HS6ST3: variants seen among roughly 807,000 people sequenced by gnomAD.
HS6ST3 encodes the protein heparan-sulfate 6-O-sulfotransferase 3.
In HS6ST3, 12 loss-of-function variants were observed where a neutral mutation model predicts 36.7. The observed-to-expected ratio is 0.33, with a 90% CI of 0.21 to 0.53. The LOEUF (loss-of-function observed/expected upper bound fraction) is 0.53. HS6ST3 is among the 20% of genes least tolerant of loss of function. The pLI is 0.95. For synonymous variants in HS6ST3, 240 were observed against 257.5 expected (o/e 0.93, Z 0.65); for missense variants, 584 against 640.9 (o/e 0.91, Z 0.96).
At chr13:96,130,663 A>G (rs923395852) in intron 1 of HS6ST3, among the ~76,000 whole-genome samples, 3 of 152,172 alleles carry the variant, frequency 2.0e-5, no homozygotes, top group African/African-American at 7.2e-5. Flanking sequence ...AGGAGCACCT[A>G]TATCCCCAAA....
intron 1 of HS6ST3, among the ~76,000 whole-genome samples, chr13:96,522,441 A>G (rs1017246775): frequency 1.3e-5 from 2 of 152,122 alleles, no homozygotes; most frequent in Non-Finnish European, 2.9e-5. Context: ...TCTAATATTG[A>G]CAGTGGGGTG....
intron 1 of HS6ST3, among the ~76,000 whole-genome samples, chr13:96,494,473 C>T (rs1302931107): frequency 6.6e-6 from 1 of 150,952 alleles, no homozygotes; most frequent in Non-Finnish European, 1.5e-5. Flanking sequence ...AGCACACCAA[C>T]ATGGCACATG....
chr13:96,635,517 C>T (rs2056546479), intron 1 of HS6ST3, among the ~76,000 whole-genome samples: 1 of 152,186 alleles, frequency 6.6e-6, no homozygotes, highest in African/African-American at 2.4e-5. Context: ...TCCCAATAGT[C>T]TTCCTGACTG....
At chr13:96,415,042 C>T (rs545791667) in intron 1 of HS6ST3, among the ~76,000 whole-genome samples, 2 of 152,146 alleles carry the variant, frequency 1.3e-5, no homozygotes, top group Admixed American at 6.5e-5. Context: ...ATTAATTACT[C>T]AGAAATGTAG....
chr13:96,105,560 T>A (rs1008148135), intron 1 of HS6ST3, among the ~76,000 whole-genome samples: 23 of 152,074 alleles, frequency 1.5e-4, no homozygotes, highest in South Asian at 2.1e-4. Context: ...TGAGCCAGGA[T>A]AATCATTTGA....
At chr13:96,752,445 A>G (rs1044671318) in intron 1 of HS6ST3, among the ~76,000 whole-genome samples, 1 of 152,066 alleles carries the variant, frequency 6.6e-6, no homozygotes, top group Non-Finnish European at 1.5e-5. Flanking sequence ...CTGTTGCTCC[A>G]TATTCTCTCC....
intron 1 of HS6ST3, among the ~76,000 whole-genome samples, chr13:96,669,646 C>T (rs1468722353): frequency 6.6e-6 from 1 of 152,126 alleles, no homozygotes; most frequent in Non-Finnish European, 1.5e-5. Context: ...AAACTTTTTT[C>T]TTCTCTTTAG....
chr13:96,119,705 CTCTG>C (rs1566886816), intron 1 of HS6ST3, among the ~76,000 whole-genome samples: 4 of 152,218 alleles, frequency 2.6e-5, no homozygotes, highest in Admixed American at 6.5e-5. Context: ...CTGGAGGCTC[CTCTG>C]TCTATTATCT....
intron 1 of HS6ST3, among the ~76,000 whole-genome samples, chr13:96,543,243 T>C (rs1277294733): frequency 6.6e-6 from 1 of 152,190 alleles, no homozygotes; most frequent in Admixed American, 6.5e-5. Context: ...TCTCCTGCTG[T>C]ACTTCAGTCA....
chr13:96,740,273 A>G lies in HS6ST3; in HGVS notation c.708-92217A>G, dbSNP rs1050338457. On this transcript the variant is annotated intron_variant, in intron 1 of 1. Coordinates refer to ENST00000376705, the MANE Select transcript of HS6ST3 (RefSeq NM_153456.4). ...TAGAGTGCTCAGTAAATACTTGTTG[A>G]AAAGGCTGTTGGTTCCTCATATGTG... Among the ~76,000 whole-genome samples the G allele has an allele frequency of 3.1e-4, 47 of 152,160 alleles. 1 individual carries two copies. The highest frequency in any genetic ancestry group is 1.5e-5 in the Non-Finnish European group (1 of 68,032).
intron 1 of HS6ST3, among the ~76,000 whole-genome samples, chr13:96,554,796 C>T (rs1165654330): frequency 7.9e-5 from 12 of 152,024 alleles, no homozygotes; most frequent in Non-Finnish European, 1.6e-4. Flanking sequence ...TGGCCAGGCG[C>T]AGTGGCTCAT....
At chr13:96,615,716 T>C (rs1017697896) in intron 1 of HS6ST3, among the ~76,000 whole-genome samples, 2 of 152,230 alleles carry the variant, frequency 1.3e-5, no homozygotes, top group African/African-American at 2.4e-5. Flanking sequence ...TGATGAAGCA[T>C]GAAGGTTTTT....
At chr13:96,427,487 T>C (rs1033957653) in intron 1 of HS6ST3, among the ~76,000 whole-genome samples, 4 of 152,030 alleles carry the variant, frequency 2.6e-5, no homozygotes, top group Non-Finnish European at 5.9e-5. Context: ...ATTTATTTTG[T>C]TATTTGATTT....
intron 1 of HS6ST3, among the ~76,000 whole-genome samples, chr13:96,691,790 T>C (rs1874967675): frequency 6.6e-6 from 1 of 152,266 alleles, no homozygotes; most frequent in South Asian, 2.1e-4. Context: ...GAGTGCTTGC[T>C]CTTAGCTAGC....
intron 1 of HS6ST3, among the ~76,000 whole-genome samples, chr13:96,740,058 A>G (rs1876396648): frequency 6.6e-6 from 1 of 152,082 alleles, no homozygotes; most frequent in South Asian, 2.1e-4. Context: ...TCAGCCTCTC[A>G]AGACTCCCTA....
intron 1 of HS6ST3, among the ~76,000 whole-genome samples, chr13:96,442,488 G>A (rs1292193584): frequency 2.0e-5 from 3 of 152,118 alleles, no homozygotes; most frequent in South Asian, 2.1e-4. Flanking sequence ...CCAAGAATTC[G>A]ATGTCCTGGT....
chr13:96,477,546 A>G (rs2055869965), intron 1 of HS6ST3, among the ~76,000 whole-genome samples: 1 of 152,120 alleles, frequency 6.6e-6, no homozygotes, highest in Admixed American at 6.6e-5. Flanking sequence ...ATGATTAACT[A>G]TCAAGTCTCA....
At chr13:96,317,875 T>C (rs2054983892) in intron 1 of HS6ST3, among the ~76,000 whole-genome samples, 1 of 152,096 alleles carries the variant, frequency 6.6e-6, no homozygotes, top group Non-Finnish European at 1.5e-5. Context: ...TTAAGATGTG[T>C]CTGTTCATGT....
intron 1 of HS6ST3, among the ~76,000 whole-genome samples, chr13:96,357,201 G>A (rs1041187971): frequency 9.2e-5 from 14 of 152,250 alleles, no homozygotes; most frequent in African/African-American, 2.9e-4. Flanking sequence ...TCATATTGAC[G>A]ATAAAACTGT....
Sources: allele counts gnomAD v4.1 joint callset (sites outside exome capture counted in the v4.1 genomes callset), GRCh38; gene constraint gnomAD v4.1.1; transcripts MANE v1.5; gene names NCBI Gene and HGNC (gene_info 2026-07-23, HGNC 2026-07-21).